TLNRD1: variants seen among roughly 807,000 people sequenced by gnomAD.
The protein encoded by TLNRD1 is talin rod domain-containing protein 1.
In TLNRD1, 14 loss-of-function variants were observed where a neutral mutation model predicts 19.5. That is an observed-to-expected ratio of 0.72 (90% CI 0.47 to 1.12). The LOEUF (loss-of-function observed/expected upper bound fraction) is 1.12, where lower values mean the gene tolerates loss of function less well. TLNRD1 is among the 50% of genes most tolerant of loss of function. The pLI, the probability that TLNRD1 is intolerant of heterozygous loss-of-function variation, is 0.00. For synonymous variants in TLNRD1, 345 were observed against 261.7 expected (o/e 1.32, Z -3.07); for missense variants, 569 against 531.9 (o/e 1.07, Z -0.69).
chr15:81,002,357 C>G lies in TLNRD1; in HGVS notation c.86C>G (p.Pro29Arg), dbSNP rs1430967617. 1 of 1,436,178 alleles carries G rather than the reference C, an allele frequency of 7.0e-7. No homozygotes were observed. Among genetic ancestry groups the G allele is most frequent in the Admixed American group, 2.4e-5 (1 of 42,470 alleles). The allele number at this position is 1,436,178 out of a possible 1,614,324, so 89.0% of individuals were successfully genotyped here. ...GCCATCGGCGGGGCCAGCTCGCAGC[C>G]GCGGAAGAGGCTGGTATCCGTCTGC... ...ASAIGGASSQ[P>R]RKRLVSVCDH... The change falls in exon 1 of 1, where the codon CCG becomes CGG. Residue 29 changes from proline to arginine, a missense_variant. Pro to Arg is a moderately radical substitution (Grantham distance 103). Coordinates refer to ENST00000267984, the MANE Select transcript of TLNRD1 (RefSeq NM_022566.3).
Position 81,003,234 on chromosome 15 carries a change from C to A in TLNRD1, c.963C>A (p.Asp321Glu). ...QHPDGGAKMS[D>E]HRERLRNSAC... ...CCGACGGGGGCGCCAAGATGTCGGA[C>A]CACAGGGAGAGGCTGAGGAACTCGG... Residue 321 changes from aspartate (D) to glutamate (E), a missense_variant, in exon 1 of 1, where the codon GAC becomes GAA. Physicochemically the swap from Asp to Glu is conservative, Grantham distance 45. Transcript: ENST00000267984. 6.2e-7 allele frequency: 1 copy of A among 1,606,652 alleles called. No homozygotes were observed. The highest frequency in any genetic ancestry group is 8.5e-7 in the Non-Finnish European group (1 of 1,177,214).
rs1893442712 is a variant in TLNRD1, at chr15:81,003,105, CGCCGAGG to C, written c.837_843del (p.Glu280ArgfsTer12). The C allele has an allele frequency of 6.4e-7, 1 of 1,556,774 alleles. No homozygotes were observed. Among genetic ancestry groups the C allele is most frequent in the Non-Finnish European group, 8.7e-7 (1 of 1,154,434 alleles). On this transcript the variant is annotated frameshift_variant, in exon 1 of 1. Transcript: ENST00000267984. LOFTEE classifies it high-confidence loss of function. ...TCCTGGGTCGCGCGGCAGCTGTGAG[CGCCGAGG>C]GCAAGGCGGTGCAGACCGCCATCCT...
In TLNRD1 at chr15:81,001,977, C is replaced by A; in HGVS notation, c.-295C>A. On this transcript the variant is annotated 5_prime_UTR_variant, in exon 1 of 1. The change creates a new upstream start codon in the 5' untranslated region. Transcript: ENST00000267984. ...GAGGAGCGCGGACAGTGAGTTTGCTCTGCCCCGGTTCATGGTTCCTGCAAG... is the reference window on the plus strand; with the variant it reads ...GAGGAGCGCGGACAGTGAGTTTGCTATGCCCCGGTTCATGGTTCCTGCAAG... 1 of 226,170 alleles carries A rather than the reference C, an allele frequency of 4.4e-6. No individual in the cohort carries two copies. Among genetic ancestry groups the A allele is most frequent in the Non-Finnish European group, 8.6e-6 (1 of 116,610 alleles). The allele number at this position is 226,170 out of a possible 1,614,324, so 14.0% of individuals were successfully genotyped here. A position where few individuals can be genotyped will look rare whatever the true frequency, so the allele number is the denominator to read the frequency against.
Position 81,003,363 on chromosome 15 carries a change from C to T in TLNRD1, c.*3C>T, listed in dbSNP as rs777406655. 2.5e-6 allele frequency: 4 copies of T among 1,589,606 alleles called. No individual in the cohort carries two copies. In the African/African-American group the frequency reaches 4.0e-5, roughly 16 times the overall value. ...TGAATTCCAATTCTGTGAATTAGCA[C>T]CCCACCCCCATACCCCTTCTTCCAC... On this transcript the variant is annotated 3_prime_UTR_variant, in exon 1 of 1. Transcript: ENST00000267984.
At position 81,003,329 on chromosome 15, in the gene TLNRD1, T is replaced by C. The variant is rs767647346; in HGVS notation, c.1058T>C (p.Leu353Ser). Residue 353 changes from leucine (L) to serine (S), a missense_variant, in exon 1 of 1, where the codon TTA becomes TCA. Leu to Ser is a moderately radical substitution (Grantham distance 145). Coordinates refer to ENST00000267984, the MANE Select transcript of TLNRD1 (RefSeq NM_022566.3). The part of the protein sequence containing the change: ...ALRERSSPRT[L>S]PPVNSNSVN Reference sequence around the variant, plus strand: ...AGGGAGAGGTCTTCGCCCAGGACTTTACCGCCAGTGAATTCCAATTCTGTG... The same window carrying C: ...AGGGAGAGGTCTTCGCCCAGGACTTCACCGCCAGTGAATTCCAATTCTGTG... 4.4e-6 allele frequency: 7 copies of C among 1,602,926 alleles called. No individual in the cohort carries two copies. Among genetic ancestry groups the C allele is most frequent in the South Asian group, 1.1e-5 (1 of 90,746 alleles).
At position 81,002,746 on chromosome 15, in the gene TLNRD1, G is replaced by A. The variant is rs2141827048; in HGVS notation, c.475G>A (p.Glu159Lys). 6.5e-7 allele frequency: 1 copy of A among 1,537,034 alleles called. No individual in the cohort carries two copies. Among genetic ancestry groups the A allele is most frequent in the Admixed American group, 2.0e-5 (1 of 51,266 alleles). Residue 159 changes from glutamate (E) to lysine (K), a missense_variant, in exon 1 of 1, where the codon GAG becomes AAG. Physicochemically the swap from Glu to Lys is moderately conservative, Grantham distance 56 (BLOSUM62 1). Transcript: ENST00000267984. ...DRYRVTRCRH[E>K]VEQGCAVLRA... is the part of the protein sequence containing the mutation. ...CTACCGCGTGACGCGATGCCGCCAC[G>A]AGGTGGAGCAGGGTTGCGCCGTGCT...
rs1039190737 is a variant in TLNRD1 at position 81,003,916 on chromosome 15, G to C, written c.*556G>C. 1.2e-5 allele frequency: 2 copies of C among 165,816 alleles called. No homozygotes were observed. Among genetic ancestry groups the C allele is most frequent in the African/African-American group, 4.9e-5 (2 of 40,802 alleles). 10.3% of individuals were successfully genotyped at this position (165,816 alleles called of 1,614,324 possible). ...GTGTGTTTTTTTAATTTACACTATA[G>C]AGTGATTTTTTTTTCCCCCAACGTC... On this transcript the variant is annotated 3_prime_UTR_variant, in exon 1 of 1. Coordinates refer to ENST00000267984, the MANE Select transcript of TLNRD1 (RefSeq NM_022566.3).
Position 81,002,990 on chromosome 15 carries a change from G to A in TLNRD1, c.719G>A (p.Ser240Asn). The change falls in exon 1 of 1, where the codon AGT (serine) becomes AAT (asparagine). Residue 240 changes from serine to asparagine, a missense_variant. Ser to Asn is a conservative substitution (Grantham distance 46). Transcript: ENST00000267984. ...GTGCGCGAGGTGAAGGTGGCGCCCA[G>A]TGAGCTGGCGCGCAGCCGCTGTGCG... ...ACVREVKVAP[S>N]ELARSRCALF... is the part of the protein sequence containing the mutation. The A allele has an allele frequency of 6.4e-7, 1 of 1,573,238 alleles. No individual in the cohort carries two copies. Among genetic ancestry groups the A allele is most frequent in the Non-Finnish European group, 8.6e-7 (1 of 1,165,888 alleles).
In TLNRD1 at chr15:81,003,486, G is replaced by C. The variant is rs1173804612; in HGVS notation, c.*126G>C. ...CTACCCTCCCCAACGTTAAATGCTC[G>C]AGAGGAATCTTCCACAAGGCAGGGC... On this transcript the variant is annotated 3_prime_UTR_variant, in exon 1 of 1. Coordinates refer to ENST00000267984, the MANE Select transcript of TLNRD1 (RefSeq NM_022566.3). The C allele has an allele frequency of 6.3e-6, 7 of 1,110,594 alleles. No individual in the cohort carries two copies. Among genetic ancestry groups the C allele is most frequent in the African/African-American group, 1.6e-5 (1 of 62,824 alleles). The allele number at this position is 1,110,594 out of a possible 1,614,324, so 68.8% of individuals were successfully genotyped here. A position where few individuals can be genotyped will look rare whatever the true frequency, so the allele number is the denominator to read the frequency against.
rs1175836973 is a variant in TLNRD1 at position 81,004,806 on chromosome 15, C to G, written c.*1446C>G. 6.0e-6 allele frequency: 1 copy of G among 166,970 alleles called. No homozygotes were observed. The highest frequency in any genetic ancestry group is 1.5e-5 in the Non-Finnish European group (1 of 68,098). The allele number at this position is 166,970 out of a possible 1,614,324, so 10.3% of individuals were successfully genotyped here. The stretch of plus-strand genomic sequence containing the variant: ...GGTGGAGTGTATAGTTTTGTTGAAC[C>G]TAGTTAAATTCTGAATATCTTCCCA... On this transcript the variant is annotated 3_prime_UTR_variant, in exon 1 of 1. Coordinates refer to ENST00000267984, the MANE Select transcript of TLNRD1 (RefSeq NM_022566.3).
rs528609196 is a variant in TLNRD1 at position 81,001,019 on chromosome 15, CAG to C, written c.-1252_-1251del. 107 of 154,686 alleles carry C rather than the reference CAG, an allele frequency of 6.9e-4. 3 individuals are homozygous for C. In the South Asian group the frequency reaches 0.018, roughly 26 times the overall value. The allele number at this position is 154,686 out of a possible 1,614,324, so 9.6% of individuals were successfully genotyped here. On this transcript the variant is annotated 5_prime_UTR_variant, in exon 1 of 1. Transcript: ENST00000267984. ...GGACGGGAACAGGAAAAGCCTCCGG[CAG>C]CCCCTGCGGGCGGCGGCGCAGCCAC...
rs1170122194 is a variant in TLNRD1 at position 81,002,913 on chromosome 15, C to A, written c.642C>A (p.Phe214Leu). 9.4e-6 allele frequency: 15 copies of A among 1,597,146 alleles called. No individual in the cohort carries two copies. The Admixed American group carries it at 2.3e-4, about 25-fold the overall frequency. Reference sequence around the variant, plus strand: ...GGGACCGCTTTTCGCGGGAGCAGTTCAAGCTGGGCGTCAAGTGCATGAGCA... The same window carrying A: ...GGGACCGCTTTTCGCGGGAGCAGTTAAAGCTGGGCGTCAAGTGCATGAGCA... ...KSRDRFSREQ[F>L]KLGVKCMSTS... Residue 214 changes from phenylalanine (F) to leucine (L), a missense_variant, in exon 1 of 1, where the codon TTC (phenylalanine) becomes TTA (leucine). By Grantham distance (22) the Phe-to-Leu change is conservative (BLOSUM62 0). Transcript: ENST00000267984.
At position 81,002,962 on chromosome 15, in the gene TLNRD1, T is replaced by C; in HGVS notation, c.691T>C (p.Cys231Arg). 6.3e-7 allele frequency: 1 copy of C among 1,587,286 alleles called. No individual in the cohort carries two copies. The highest frequency in any genetic ancestry group is 8.5e-7 in the Non-Finnish European group (1 of 1,173,040). Residue 231 changes from cysteine (C) to arginine (R), a missense_variant, in exon 1 of 1, where the codon TGC (cysteine) becomes CGC (arginine). By Grantham distance (180) the Cys-to-Arg change is radical (BLOSUM62 -3). Coordinates refer to ENST00000267984, the MANE Select transcript of TLNRD1 (RefSeq NM_022566.3). ...MSTSASALLA[C>R]VREVKVAPSE... ...CACCAGCGCGTCGGCGCTGCTGGCC[T>C]GCGTGCGCGAGGTGAAGGTGGCGCC...
Position 81,003,613 on chromosome 15 carries a change from C to G in TLNRD1, c.*253C>G, listed in dbSNP as rs1893455309. On this transcript the variant is annotated 3_prime_UTR_variant, in exon 1 of 1. Coordinates refer to ENST00000267984, the MANE Select transcript of TLNRD1 (RefSeq NM_022566.3). ...ATATGTCATCTGCTGGTTGTGTTAT[C>G]ACTCCCACCCCCTACCCCAGCCCGT... 1 of 414,292 alleles carries G rather than the reference C, an allele frequency of 2.4e-6. No individual in the cohort carries two copies. Among genetic ancestry groups the G allele is most frequent in the Non-Finnish European group, 4.4e-6 (1 of 226,016 alleles). 25.7% of individuals were successfully genotyped at this position (414,292 alleles called of 1,614,324 possible). A position where few individuals can be genotyped will look rare whatever the true frequency, so the allele number is the denominator to read the frequency against.
Position 81,002,371 on chromosome 15 carries a change from G to A in TLNRD1, c.100G>A (p.Val34Ile), listed in dbSNP as rs769397442. Residue 34 changes from valine to isoleucine, a missense_variant, in exon 1 of 1, where the codon GTA becomes ATA. Coordinates refer to ENST00000267984, the MANE Select transcript of TLNRD1 (RefSeq NM_022566.3). ...CAGCTCGCAGCCGCGGAAGAGGCTGGTATCCGTCTGCGACCACTGCAAGGG... is the reference window on the plus strand; with the variant it reads ...CAGCTCGCAGCCGCGGAAGAGGCTGATATCCGTCTGCGACCACTGCAAGGG... ...GASSQPRKRL[V>I]SVCDHCKGKM... 6.6e-7 allele frequency: 1 copy of A among 1,507,218 alleles called. No homozygotes were observed. Among genetic ancestry groups the A allele is most frequent in the Non-Finnish European group, 8.8e-7 (1 of 1,131,634 alleles). 93.4% of individuals were successfully genotyped at this position (1,507,218 alleles called of 1,614,324 possible).
Position 81,005,051 on chromosome 15 carries a change from C to T in TLNRD1, c.*1691C>T, listed in dbSNP as rs1595891766. 6.0e-6 allele frequency: 1 copy of T among 167,000 alleles called. No homozygotes were observed. The highest frequency in any genetic ancestry group is 1.5e-5 in the Non-Finnish European group (1 of 68,096). 10.3% of individuals were successfully genotyped at this position (167,000 alleles called of 1,614,324 possible). A position where few individuals can be genotyped will look rare whatever the true frequency, so the allele number is the denominator to read the frequency against. On this transcript the variant is annotated 3_prime_UTR_variant, in exon 1 of 1. Coordinates refer to ENST00000267984, the MANE Select transcript of TLNRD1 (RefSeq NM_022566.3). ...TATTGACTATTTTACTTGTTTGAAT[C>T]GCTGTTTTTATTACAATGACATGAA...
In TLNRD1 at chr15:81,004,486, G is replaced by A. The variant is rs1237427325; in HGVS notation, c.*1126G>A. The A allele has an allele frequency of 3.0e-5, 5 of 167,076 alleles. No homozygotes were observed. Among genetic ancestry groups the A allele is most frequent in the African/African-American group, 4.8e-5 (2 of 41,458 alleles). The allele number at this position is 167,076 out of a possible 1,614,324, so 10.3% of individuals were successfully genotyped here. ...AAGTACTGTACATCAAGTGAGAATAGTTAGCATCTTTTATGTACACAGGTC... is the reference window on the plus strand; with the variant it reads ...AAGTACTGTACATCAAGTGAGAATAATTAGCATCTTTTATGTACACAGGTC... On this transcript the variant is annotated 3_prime_UTR_variant, in exon 1 of 1. Transcript: ENST00000267984.
At position 81,003,378 on chromosome 15, in the gene TLNRD1, C is replaced by T; in HGVS notation, c.*18C>T. On this transcript the variant is annotated 3_prime_UTR_variant, in exon 1 of 1. Transcript: ENST00000267984. ...TGAATTAGCACCCCACCCCCATACCCCTTCTTCCACCCCCAGACTAAAGGA... is the reference window on the plus strand; with the variant it reads ...TGAATTAGCACCCCACCCCCATACCTCTTCTTCCACCCCCAGACTAAAGGA... 2 of 1,570,656 alleles carry T rather than the reference C, an allele frequency of 1.3e-6. No individual in the cohort carries two copies. Among genetic ancestry groups the T allele is most frequent in the Non-Finnish European group, 1.7e-6 (2 of 1,152,356 alleles).
In TLNRD1 at chr15:81,004,567, C is replaced by G. The variant is rs1893468143; in HGVS notation, c.*1207C>G. 1 of 167,002 alleles carries G rather than the reference C, an allele frequency of 6.0e-6. No homozygotes were observed. The highest frequency in any genetic ancestry group is 2.4e-5 in the African/African-American group (1 of 41,392). The allele number at this position is 167,002 out of a possible 1,614,324, so 10.3% of individuals were successfully genotyped here. ...AAAATATAGAGAGGGTCCTAGACTG[C>G]TTAATAGAGGAAAGAAGTATCCTGG... On this transcript the variant is annotated 3_prime_UTR_variant, in exon 1 of 1. Coordinates refer to ENST00000267984, the MANE Select transcript of TLNRD1 (RefSeq NM_022566.3).
Sources: gnomAD v4.1 joint callset for allele counts on GRCh38, gnomAD v4.1.1 for gene constraint, MANE v1.5 for transcripts, NCBI Gene and HGNC (gene_info 2026-07-23, HGNC 2026-07-21) for gene names.